ARMH1: variants seen among roughly 807,000 people sequenced by gnomAD.
The protein encoded by ARMH1 is armadillo like helical domain containing 1, also known as armadillo-like helical domain containing protein 1.
Under a neutral mutation model 50.2 loss-of-function variants are expected in ARMH1, and 34 were observed. The observed-to-expected ratio is 0.68, with a 90% CI of 0.51 to 0.90. ARMH1 has a LOEUF of 0.90. Ranked by LOEUF, ARMH1 falls within the 40% of genes least tolerant of loss-of-function variation. The pLI, the probability that ARMH1 is intolerant of heterozygous loss-of-function variation, is 0.00. For missense variants in ARMH1, 538 were observed against 553.9 expected (o/e 0.97, Z 0.29); for synonymous variants, 221 against 224.2 (o/e 0.99, Z 0.13).
chr1:44,725,300 T>C lies in ARMH1; in HGVS notation c.1220T>C (p.Leu407Pro). Reference protein sequence around the residue: ...NTVNVTKALCLHGSSYSMNTL... With the variant: ...NTVNVTKALCPHGSSYSMNTL... ...CCTTTCCTGCCTGCAGCCCTGTGCC[T>C]CCATGGCAGCTCCTACAGCATGAAC... The change falls in exon 12 of 12, where the codon CTC (leucine) becomes CCC (proline). Residue 407 changes from leucine (L) to proline (P), a missense_variant. By Grantham distance (98) the Leu-to-Pro change is moderately conservative. Coordinates refer to ENST00000535358, the MANE Select transcript of ARMH1 (RefSeq NM_001145636.2). 1 of 1,551,810 alleles carries C rather than the reference T, an allele frequency of 6.4e-7. No homozygotes were observed. Among genetic ancestry groups the C allele is most frequent in the Non-Finnish European group, 8.7e-7 (1 of 1,147,022 alleles).
chr1:44,674,745 T>C lies in ARMH1; in HGVS notation c.-151T>C, dbSNP rs905236665. Reference sequence around the variant, plus strand: ...GAGAGGCGGCTGAAGAGTTGCTGTATTCTGGGAATGGGCAGGGTCACTCGT... The same window carrying C: ...GAGAGGCGGCTGAAGAGTTGCTGTACTCTGGGAATGGGCAGGGTCACTCGT... On this transcript the variant is annotated 5_prime_UTR_variant, in exon 1 of 12. Coordinates refer to ENST00000535358, the MANE Select transcript of ARMH1 (RefSeq NM_001145636.2). 2 of 260,032 alleles carry C rather than the reference T, an allele frequency of 7.7e-6. No homozygotes were observed. Among genetic ancestry groups the C allele is most frequent in the African/African-American group, 4.4e-5 (2 of 45,214 alleles). The allele number at this position is 260,032 out of a possible 1,614,324, so 16.1% of individuals were successfully genotyped here.
Position 44,724,747 on chromosome 1 carries a change from G to T in ARMH1, c.1051-15G>T. The T allele has an allele frequency of 1.3e-6, 2 of 1,525,600 alleles. No homozygotes were observed. Among genetic ancestry groups the T allele is most frequent in the Non-Finnish European group, 1.8e-6 (2 of 1,140,398 alleles). The allele number at this position is 1,525,600 out of a possible 1,614,324, so 94.5% of individuals were successfully genotyped here. On this transcript the variant is annotated splice_polypyrimidine_tract_variant and intron_variant, in intron 9 of 11. Transcript: ENST00000535358. The surrounding 1 kb of genome is among the most constrained non-coding windows in gnomAD (Gnocchi z 6.4). ...GTCGCCCCCGCAGTCACGCCGCCTC[G>T]CCCGCGCGGCGCAGTGCTTCGTGCA...
intron 2 of ARMH1, among the ~76,000 whole-genome samples, chr1:44,691,694 C>G (rs1475657329): frequency 1.3e-5 from 2 of 152,140 alleles, no homozygotes; most frequent in Non-Finnish European, 2.9e-5. Flanking sequence ...GTATCCCTGC[C>G]CAAATTTCTC....
chr1:44,710,437 G>A (rs559229659), intron 6 of ARMH1, among the ~76,000 whole-genome samples: 62 of 151,788 alleles, frequency 4.1e-4, no homozygotes, highest in Admixed American at 1.6e-3. Context: ...GTGAAACCCC[G>A]TCTCTACTAA....
chr1:44,712,000 C>T (rs1182838487), intron 6 of ARMH1, among the ~76,000 whole-genome samples: 1 of 152,230 alleles, frequency 6.6e-6, no homozygotes, highest in African/African-American at 2.4e-5. Flanking sequence ...CCCAGTCAGT[C>T]TGCCTCCTGC....
At position 44,682,880 on chromosome 1, in the gene ARMH1, C is replaced by T. The variant is rs1317677013; in HGVS notation, c.-22-6796C>T. ...ACTCGAGCCCAGGCGATTGAGGCTG[C>T]GGTAAGTTATGATTGTGCCACTGCA... On this transcript the variant is annotated intron_variant, in intron 1 of 11. Coordinates refer to ENST00000535358, the MANE Select transcript of ARMH1 (RefSeq NM_001145636.2). This position sits in a 1 kb window ranked among gnomAD's most constrained non-coding sequence, Gnocchi z 4.5. Among the ~76,000 whole-genome samples the T allele has an allele frequency of 2.0e-5, 3 of 152,226 alleles. No individual in the cohort carries two copies. Among genetic ancestry groups the T allele is most frequent in the East Asian group, 1.9e-4 (1 of 5,184 alleles).
Position 44,682,741 on chromosome 1 carries a change from C to T in ARMH1, c.-22-6935C>T, listed in dbSNP as rs1487688734. Among the ~76,000 whole-genome samples, 5 of 151,926 alleles carry T rather than the reference C, an allele frequency of 3.3e-5. No individual in the cohort carries two copies. Among genetic ancestry groups the T allele is most frequent in the Admixed American group, 6.6e-5 (1 of 15,238 alleles). On this transcript the variant is annotated intron_variant, in intron 1 of 11. Transcript: ENST00000535358. The surrounding 1 kb of genome is among the most constrained non-coding windows in gnomAD (Gnocchi z 4.5). ...AGGAGTTTGACACCAGCCTGGGCAA[C>T]GAAGCAAGACCCCACCTCTACAAAA... is the stretch of plus-strand genomic sequence containing the variant.
At chr1:44,684,069 C>T (rs975555854) in intron 1 of ARMH1, among the ~76,000 whole-genome samples, 5 of 152,066 alleles carry the variant, frequency 3.3e-5, no homozygotes, top group African/African-American at 1.2e-4. Context: ...TTAATCAACA[C>T]TCAAAAAATG....
At chr1:44,721,826 C>G (rs774030471) in intron 6 of ARMH1, 5 of 152,154 alleles carry the variant, frequency 3.3e-5, no homozygotes, top group African/African-American at 4.8e-5. Flanking sequence ...TAACCATAAA[C>G]TCATAGTTGT....
intron 2 of ARMH1, among the ~76,000 whole-genome samples, chr1:44,692,353 T>A (rs1645684303): frequency 1.3e-5 from 2 of 152,180 alleles, no homozygotes; most frequent in South Asian, 4.1e-4. Flanking sequence ...CATTTCTGAG[T>A]CCCAGGCTAG....
intron 2 of ARMH1, among the ~76,000 whole-genome samples, chr1:44,690,890 G>A (rs1645637833): frequency 6.6e-6 from 1 of 152,050 alleles, no homozygotes; most frequent in South Asian, 2.1e-4. Context: ...TGTTGGCCAG[G>A]CTGGTCTCAA....
chr1:44,704,179 G>A lies in ARMH1; in HGVS notation c.724+6G>A, dbSNP rs1646230859. ...CCTGGAAGTCCAGTATGAAGGTAGG[G>A]AGCCTCCAGATTGCAGAAGGGGGCA... is the stretch of plus-strand genomic sequence containing the variant. On this transcript the variant is annotated splice_donor_region_variant and intron_variant, in intron 6 of 11. Coordinates refer to ENST00000535358, the MANE Select transcript of ARMH1 (RefSeq NM_001145636.2). 6.4e-7 allele frequency: 1 copy of A among 1,550,400 alleles called. No homozygotes were observed. Among genetic ancestry groups the A allele is most frequent in the Non-Finnish European group, 8.7e-7 (1 of 1,146,018 alleles).
In ARMH1 at chr1:44,689,830, C is replaced by G. The variant is rs1470173431; in HGVS notation, c.133C>G (p.Pro45Ala). The G allele has an allele frequency of 6.4e-7, 1 of 1,551,652 alleles. No individual in the cohort carries two copies. Among genetic ancestry groups the G allele is most frequent in the African/African-American group, 1.4e-5 (1 of 73,140 alleles). Reference protein sequence around the residue: ...FIETNQGKTAPELEQEFSQGA... With the variant: ...FIETNQGKTAAELEQEFSQGA... ...TGAAACCAACCAAGGCAAGACTGCC[C>G]CTGAACTGGAGCAGGAGTTTTCCCA... Residue 45 changes from proline to alanine, a missense_variant, in exon 2 of 12, where the codon CCT becomes GCT. Physicochemically the swap from Pro to Ala is conservative, Grantham distance 27. Coordinates refer to ENST00000535358, the MANE Select transcript of ARMH1 (RefSeq NM_001145636.2).
chr1:44,718,225 A>G (rs1646928892), intron 6 of ARMH1, among the ~76,000 whole-genome samples: 1 of 152,216 alleles, frequency 6.6e-6, no homozygotes. Context: ...TCTTGGGCAC[A>G]GGCAGACATT....
chr1:44,711,251 T>C (rs1315333992), intron 6 of ARMH1, among the ~76,000 whole-genome samples: 1 of 152,230 alleles, frequency 6.6e-6, no homozygotes, highest in East Asian at 1.9e-4. Context: ...TCTGTTTAAC[T>C]CGTTGAGGAA....
At chr1:44,702,121 A>G (rs1646109872) in intron 5 of ARMH1, among the ~76,000 whole-genome samples, 1 of 152,040 alleles carries the variant, frequency 6.6e-6, no homozygotes, top group South Asian at 2.1e-4. Flanking sequence ...AATTTTAAAA[A>G]CAGATCAGAT....
Position 44,724,785 on chromosome 1 carries a change from G to A in ARMH1, c.1074G>A (p.Leu358=), listed in dbSNP as rs1198443423. Residue 358 remains leucine, a synonymous_variant, in exon 10 of 12, where the codon TTG becomes TTA. Coordinates refer to ENST00000535358, the MANE Select transcript of ARMH1 (RefSeq NM_001145636.2). The surrounding 1 kb of genome is among the most constrained non-coding windows in gnomAD (Gnocchi z 6.4). ...TLECFVQMFP[L]VAEHVRKCMG... ...AGTGCTTCGTGCAGATGTTCCCCTT[G>A]GTGGCGGAGCACGTGCGCAAGTGCA... 2.6e-6 allele frequency: 4 copies of A among 1,544,124 alleles called. No individual in the cohort carries two copies. The highest frequency in any genetic ancestry group is 1.4e-5 in the African/African-American group (1 of 73,134).
intron 6 of ARMH1, among the ~76,000 whole-genome samples, chr1:44,714,898 T>C (rs1557557555): frequency 6.6e-6 from 1 of 151,966 alleles, no homozygotes; most frequent in Non-Finnish European, 1.5e-5. Context: ...TCTTTTTTTG[T>C]TGGGGGGGAA....
chr1:44,701,715 G>C (rs1363017333), intron 5 of ARMH1, among the ~76,000 whole-genome samples: 1 of 152,056 alleles, frequency 6.6e-6, no homozygotes, highest in Admixed American at 6.6e-5. Context: ...GATCACTTGA[G>C]GTCAGGAGTT....
Sources: gnomAD v4.1 joint callset for allele counts (sites outside exome capture counted in the v4.1 genomes callset) on GRCh38, gnomAD v4.1.1 for gene constraint, Gnocchi (gnomAD v3.1) non-coding constraint, MANE v1.5 for transcripts, NCBI Gene and HGNC (gene_info 2026-07-23, HGNC 2026-07-21) for gene names.